Variants in STS observed in about 807,000 individuals in gnomAD.
STS encodes the protein steryl-sulfatase.
A neutral mutation model predicts 26.8 loss-of-function variants in STS; 7 were observed. The observed-to-expected ratio is 0.26, with a 90% confidence interval of 0.15 to 0.49. STS has a LOEUF of 0.49. Ranked by LOEUF, STS falls within the 20% of genes least tolerant of loss-of-function variation. The pLI is 0.98. For synonymous variants in STS, 199 were observed against 189.4 expected, an observed-to-expected ratio of 1.05 and a Z score of -0.42; for missense variants, 434 against 465.6, an observed-to-expected ratio of 0.93 and a Z score of 0.63.
intron 2 of STS, among the ~76,000 whole-genome samples, chrX:7,198,917 G>GTT (rs1204441689): frequency 2.9e-5 from 3 of 104,856 alleles, no homozygotes. Flanking sequence ...CTGGCAGCAA[G>GTT]TTTTTTTTTT....
chrX:7,204,337 T>C (rs188429614), intron 2 of STS, among the ~76,000 whole-genome samples: 89 of 112,094 alleles, frequency 7.9e-4, no homozygotes, highest in African/African-American at 2.4e-3. Context: ...TAAACTTTAA[T>C]TTTCTTTGAT....
intron 9 of STS, among the ~76,000 whole-genome samples, chrX:7,326,685 G>C (rs1927491139): frequency 8.9e-6 from 1 of 112,484 alleles, no homozygotes; most frequent in Non-Finnish European, 1.9e-5. Flanking sequence ...GAAGCACACT[G>C]ATTAATTGTT....
intron 1 of STS, among the ~76,000 whole-genome samples, chrX:7,167,548 A>G (rs897663222): frequency 9.0e-6 from 1 of 111,692 alleles, no homozygotes; most frequent in Non-Finnish European, 1.9e-5. Flanking sequence ...TCCTTCTTGT[A>G]GGATGGAAGC....
intron 1 of STS, among the ~76,000 whole-genome samples, chrX:7,170,032 C>A (rs189176352): frequency 9.0e-6 from 1 of 111,214 alleles, no homozygotes; most frequent in Admixed American, 9.6e-5. Context: ...GGTTTTATTT[C>A]TCTATTCCCG....
chrX:7,149,629 A>G (rs1253441171), intron 1 of STS, among the ~76,000 whole-genome samples: 1 of 111,980 alleles, frequency 8.9e-6, no homozygotes, highest in Admixed American at 9.4e-5. Flanking sequence ...CAGCTGCCAT[A>G]GTAATATACC....
chrX:7,218,145 T>C (rs1218028128), intron 2 of STS, among the ~76,000 whole-genome samples: 7 of 112,305 alleles, frequency 6.2e-5, no homozygotes, highest in African/African-American at 2.3e-4. Flanking sequence ...CCCCATTGCT[T>C]GACATCAAGC....
chrX:7,341,956 C>T (rs112369893), intron 10 of STS, among the ~76,000 whole-genome samples: 1 of 110,320 alleles, frequency 9.1e-6, no homozygotes, highest in South Asian at 3.9e-4. Flanking sequence ...GGATTACGGG[C>T]GCCCACCACC....
chrX:7,334,220 C>G (rs776902839), intron 10 of STS, 113 bp downstream of exon 10: 1 of 1,036,930 alleles, frequency 9.6e-7, no homozygotes, highest in Admixed American at 2.2e-5. Flanking sequence ...CAACAGGTGC[C>G]TCAATGTGCG....
intron 7 of STS, among the ~76,000 whole-genome samples, chrX:7,303,365 C>G (rs1384823281): frequency 9.9e-5 from 11 of 111,069 alleles, no homozygotes; most frequent in African/African-American, 3.6e-4. Flanking sequence ...CAGCAGGTTA[C>G]TAAACCAGTA....
chrX:7,199,605 A>G (rs1934032006), intron 2 of STS, among the ~76,000 whole-genome samples: 2 of 111,269 alleles, frequency 1.8e-5, no homozygotes, highest in South Asian at 7.5e-4. Context: ...GCTTTGCTGT[A>G]TGTTTGTGTG....
intron 9 of STS, 141 bp downstream of exon 9, chrX:7,325,639 T>C: frequency 1.5e-6 from 1 of 687,604 alleles, no homozygotes; most frequent in Non-Finnish European, 2.3e-6. Context: ...TTGAGGCAGG[T>C]CAATTAATAG....
chrX:7,191,011 A>G lies in STS; in HGVS notation c.-5+3A>G, dbSNP rs1255056423. 2.7e-6 allele frequency: 2 copies of G among 750,203 alleles called. No homozygotes were observed. The highest frequency in any genetic ancestry group is 3.1e-6 in the Non-Finnish European group (2 of 637,601). 61.8% of individuals were successfully genotyped at this position (750,203 alleles called of 1,213,427 possible). ...GATCGTCTTCAGCTGTTCATAGCGT[A>G]AGTATGAGAGGTGCATATGTTTGTA... On this transcript the variant is annotated splice_donor_region_variant and intron_variant, in intron 2 of 10. Transcript: ENST00000674429.
At chrX:7,257,050 G>A (rs1425978729) in intron 3 of STS, among the ~76,000 whole-genome samples, 192 bp from the exon 4 acceptor site, 1 of 112,083 alleles carries the variant, frequency 8.9e-6, no homozygotes, top group Non-Finnish European at 1.9e-5. Flanking sequence ...TCAGGAGTTT[G>A]AGACCAGCCT....
At chrX:7,211,966 C>T (rs1172557100) in intron 2 of STS, among the ~76,000 whole-genome samples, 3 of 112,154 alleles carry the variant, frequency 2.7e-5, no homozygotes, top group African/African-American at 6.5e-5. Context: ...CCCTTCCTTT[C>T]GGGACTTCCT....
At chrX:7,255,607 A>C (rs188418599) in intron 3 of STS, among the ~76,000 whole-genome samples, 36 of 111,957 alleles carry the variant, frequency 3.2e-4, no homozygotes, top group African/African-American at 1.1e-3. Context: ...TCTCTGTATT[A>C]GAGTCCCATT....
intron 1 of STS, among the ~76,000 whole-genome samples, chrX:7,156,591 A>G (rs1933140317): frequency 8.9e-6 from 1 of 111,823 alleles, no homozygotes; most frequent in Non-Finnish European, 1.9e-5. Flanking sequence ...CTTAGAGGCA[A>G]TAAATTTCCA....
chrX:7,259,605 C>T lies in STS; in HGVS notation c.639C>T (p.Ser213=), dbSNP rs1247627556. The part of the protein sequence containing the change: ...LLHVPLGVFF[S]LLFLAALILT... ...ACGTGCCTCTAGGCGTTTTTTTCAG[C>T]CTTCTCTTCCTAGCAGCCCTAATCC... The change falls in exon 6 of 11, where the codon AGC becomes AGT. Residue 213 remains serine, a synonymous_variant. Transcript: ENST00000674429. 1.7e-6 allele frequency: 2 copies of T among 1,211,091 alleles called. No homozygotes were observed. The highest frequency in any genetic ancestry group is 1.7e-5 in the African/African-American group (1 of 57,634).
intron 1 of STS, among the ~76,000 whole-genome samples, chrX:7,172,584 A>T (rs1004917341): frequency 8.9e-6 from 1 of 111,850 alleles, no homozygotes; most frequent in African/African-American, 3.2e-5. Context: ...CAGCTAATAG[A>T]AAAGAGTAAG....
chrX:7,195,718 T>G lies in STS; in HGVS notation c.-5+4710T>G, dbSNP rs145047092. Reference sequence around the variant, plus strand: ...CTCCTGTTGGAACCCTCAGGGTTCCTCAGGCTGCTCCTGGGAGCTTCTTCA... The same window carrying G: ...CTCCTGTTGGAACCCTCAGGGTTCCGCAGGCTGCTCCTGGGAGCTTCTTCA... On this transcript the variant is annotated intron_variant, in intron 2 of 10. Coordinates refer to ENST00000674429, the MANE Select transcript of STS (RefSeq NM_001320752.2). Among the ~76,000 whole-genome samples the G allele has an allele frequency of 7.7e-3, 864 of 112,487 alleles. 14 individuals are homozygous for G. The highest frequency in any genetic ancestry group is 0.027 in the African/African-American group (825 of 30,946).
Sources: allele counts gnomAD v4.1 joint callset (sites outside exome capture counted in the v4.1 genomes callset), GRCh38; gene constraint gnomAD v4.1.1; transcripts MANE v1.5; gene names NCBI Gene and HGNC (gene_info 2026-07-23, HGNC 2026-07-21).